Variants in POLD1 observed in about 807,000 individuals in gnomAD.
The protein encoded by POLD1 is DNA polymerase delta 1, catalytic subunit, also known as DNA polymerase delta catalytic subunit.
A neutral mutation model predicts 129.7 loss-of-function variants in POLD1; 79 were observed. The ratio of observed to expected loss-of-function variants is 0.61; its 90% CI spans 0.51 to 0.73. The LOEUF (loss-of-function observed/expected upper bound fraction) is 0.73. Ranked by LOEUF, POLD1 falls within the 30% of genes least tolerant of loss-of-function variation. The pLI is 0.00. For synonymous variants in POLD1, 714 were observed against 683.3 expected, an observed-to-expected ratio of 1.04 and a Z score of -0.70; for missense variants, 1,338 against 1,595.8, an observed-to-expected ratio of 0.84 and a Z score of 2.75.
rs1555789813 is a variant in POLD1 at position 50,401,919 on chromosome 19, C to T, written c.458C>T (p.Pro153Leu). The change falls in exon 4 of 27, where the codon CCC becomes CTC. Residue 153 changes from proline (P) to leucine (L), a missense_variant. Pro to Leu is a moderately conservative substitution (Grantham distance 98, BLOSUM62 -3). This residue lies in a region of POLD1 where 332 missense variants were observed against 315.7 expected (regional missense o/e 1.05). Coordinates refer to ENST00000440232, the MANE Select transcript of POLD1 (RefSeq NM_002691.4). ...GCTCCCTACTTCTACACCCCAGCGC[C>T]CCCTGGTGAGTGGCCCCTACCCAGC... ...GFAPYFYTPAPPGFGPEHMGD... is the reference protein window; with the variant it reads ...GFAPYFYTPALPGFGPEHMGD... 1 of 1,614,074 alleles carries T rather than the reference C, an allele frequency of 6.2e-7. No individual in the cohort carries two copies. The highest frequency in any genetic ancestry group is 8.5e-7 in the Non-Finnish European group (1 of 1,179,976).
chr19:50,395,682 C>T (rs1190570648), intron 1 of POLD1, among the ~76,000 whole-genome samples: 1 of 151,826 alleles, frequency 6.6e-6, no homozygotes, highest in Non-Finnish European at 1.5e-5. Context: ...ATGGATGTTT[C>T]TTATCTCCCT....
intron 1 of POLD1, among the ~76,000 whole-genome samples, chr19:50,390,721 C>T (rs375449762): frequency 2.0e-5 from 3 of 152,200 alleles, no homozygotes; most frequent in East Asian, 1.9e-4. Context: ...GAGGGCCCTG[C>T]GGCCTTCCGC....
At chr19:50,415,666 CGCCCCCACCCCCGCCACCCACCT>C (rs2039255378) in intron 21 of POLD1, 35 bp from the exon 22 acceptor site, 1 of 1,473,314 alleles carries the variant, frequency 6.8e-7, no homozygotes, top group African/African-American at 1.4e-5. Flanking sequence ...CCTACACCCT[CGCCCCCACCCCCGCCACCCACCT>C]GCCCTCACCC....
chr19:50,409,583 C>G lies in POLD1; in HGVS notation c.2071C>G (p.Leu691Val), dbSNP rs2039021984. 6.2e-7 allele frequency: 1 copy of G among 1,613,402 alleles called. No homozygotes were observed. The highest frequency in any genetic ancestry group is 8.5e-7 in the Non-Finnish European group (1 of 1,180,000). The change falls in exon 17 of 27, where the codon CTG becomes GTG. Residue 691 changes from leucine to valine, a missense_variant. Around this residue, in one of 3 missense-constraint regions of POLD1, gnomAD observed 720 missense variants for 1,002.6 expected, o/e 0.72. Coordinates refer to ENST00000440232, the MANE Select transcript of POLD1 (RefSeq NM_002691.4). The surrounding 1 kb of genome is among the most constrained non-coding windows in gnomAD (Gnocchi z 5.8). ...GCGCCAGGTCCTGGATGGACGGCAG[C>G]TGGCGCTGAAGGTGAGCGCCAACTC... ...LRRQVLDGRQ[L>V]ALKVSANSVY... is the part of the protein sequence containing the mutation.
At position 50,406,156 on chromosome 19, in the gene POLD1, C is replaced by G. The variant is rs1479293311; in HGVS notation, c.1243-26C>G. ...TTATGTGACGGGGACCCGCAGCCTG[C>G]TGCACACCCTGCCTCTCCTCCTCAG... On this transcript the variant is annotated intron_variant, in intron 10 of 26. Transcript: ENST00000440232. The surrounding 1 kb of genome is among the most constrained non-coding windows in gnomAD (Gnocchi z 5.5). 1 of 1,605,946 alleles carries G rather than the reference C, an allele frequency of 6.2e-7. No homozygotes were observed.
At position 50,413,889 on chromosome 19, in the gene POLD1, T is replaced by C. The variant is rs758901540; in HGVS notation, c.2388+10T>C. ...GCTGGAGTTTGAGAAGGTGCGTGGC[T>C]GGGTCAGGGGCTCTGCATTTAGGTG... On this transcript the variant is annotated intron_variant, in intron 19 of 26. Transcript: ENST00000440232. 1 of 1,589,350 alleles carries C rather than the reference T, an allele frequency of 6.3e-7. No homozygotes were observed. Among genetic ancestry groups the C allele is most frequent in the Non-Finnish European group, 8.6e-7 (1 of 1,167,170 alleles).
At chr19:50,386,478 A>G (rs1257604072) in intron 1 of POLD1, among the ~76,000 whole-genome samples, 1 of 152,190 alleles carries the variant, frequency 6.6e-6, no homozygotes, top group Non-Finnish European at 1.5e-5. Context: ...GTGCAGAGTG[A>G]TGCTGGAGAC....
intron 20 of POLD1, 144 bp downstream of exon 20, chr19:50,415,134 C>T: frequency 1.3e-6 from 1 of 775,002 alleles, no homozygotes; most frequent in Non-Finnish European, 2.0e-6. Context: ...ATCCCGGGGT[C>T]AGGGCCCCCA....
intron 3 of POLD1, among the ~76,000 whole-genome samples, chr19:50,400,417 C>T (rs1487637449): frequency 2.7e-5 from 4 of 147,550 alleles, no homozygotes; most frequent in African/African-American, 5.0e-5. Context: ...GACAGGGTTT[C>T]GCCATGTTGG....
intron 1 of POLD1, among the ~76,000 whole-genome samples, chr19:50,391,851 T>C (rs1048123774): frequency 6.6e-6 from 1 of 152,126 alleles, no homozygotes; most frequent in Non-Finnish European, 1.5e-5. Context: ...TAGCTGGGAT[T>C]ATAGGCGCCC....
intron 1 of POLD1, among the ~76,000 whole-genome samples, chr19:50,396,281 G>T (rs1407899102): frequency 1.3e-5 from 2 of 151,430 alleles, no homozygotes; most frequent in African/African-American, 4.8e-5. Flanking sequence ...TAAAGATAGG[G>T]TTTCACCATG....
chr19:50,417,397 T>C (rs2039349024), intron 26 of POLD1, 128 bp downstream of exon 26: 5 of 631,050 alleles, frequency 7.9e-6, no homozygotes, highest in South Asian at 7.5e-5. Context: ...CTTCCAGCTG[T>C]GAGCTGTCCT....
In POLD1 at chr19:50,409,113, C is replaced by T. The variant is rs1412895630; in HGVS notation, c.1893-9C>T. 2 of 1,597,422 alleles carry T rather than the reference C, an allele frequency of 1.3e-6. No homozygotes were observed. Among genetic ancestry groups the T allele is most frequent in the Non-Finnish European group, 1.7e-6 (2 of 1,165,066 alleles). On this transcript the variant is annotated splice_polypyrimidine_tract_variant and intron_variant, in intron 15 of 26. Transcript: ENST00000440232. The surrounding 1 kb of genome is among the most constrained non-coding windows in gnomAD (Gnocchi z 5.8). ...TGGCCGGCAGTCACCCCAACATCTT[C>T]CAACCCAGCCTGACTGAGGATCAGT... is the stretch of plus-strand genomic sequence containing the variant.
intron 1 of POLD1, among the ~76,000 whole-genome samples, chr19:50,388,127 A>C (rs1371830926): frequency 3.3e-5 from 5 of 152,224 alleles, no homozygotes; most frequent in African/African-American, 1.2e-4. Flanking sequence ...AGGCAGATCC[A>C]TGGAGACAGA....
intron 2 of POLD1, 34 bp from the exon 3 acceptor site, chr19:50,399,337 C>G: frequency 6.6e-7 from 1 of 1,515,434 alleles, no homozygotes; most frequent in Non-Finnish European, 9.2e-7. Context: ...GACCATGACT[C>G]CATGTACTCC....
chr19:50,400,467 G>A (rs1157003359), intron 3 of POLD1, among the ~76,000 whole-genome samples: 2 of 144,892 alleles, frequency 1.4e-5, no homozygotes, highest in African/African-American at 5.1e-5. Context: ...GTGATCTGCC[G>A]ACCTTGGCCT....
chr19:50,385,755 C>T (rs1309859368), intron 1 of POLD1, among the ~76,000 whole-genome samples: 5 of 152,118 alleles, frequency 3.3e-5, no homozygotes, highest in Admixed American at 2.0e-4. Flanking sequence ...TCTCGAACTC[C>T]TGACCTCAGG....
At position 50,409,961 on chromosome 19, in the gene POLD1, G is replaced by A. The variant is rs2039034615; in HGVS notation, c.2154+295G>A. Among the ~76,000 whole-genome samples, 1 of 152,236 alleles carries A rather than the reference G, an allele frequency of 6.6e-6. No individual in the cohort carries two copies. On this transcript the variant is annotated intron_variant, in intron 17 of 26. Coordinates refer to ENST00000440232, the MANE Select transcript of POLD1 (RefSeq NM_002691.4). The surrounding 1 kb of genome is among the most constrained non-coding windows in gnomAD (Gnocchi z 5.8). ...TGCAGCCCAGTGGGGACACTGACAGGTCTGTGTAAACGTGTTTAGGACACA... is the reference window on the plus strand; with the variant it reads ...TGCAGCCCAGTGGGGACACTGACAGATCTGTGTAAACGTGTTTAGGACACA...
intron 1 of POLD1, among the ~76,000 whole-genome samples, chr19:50,398,473 G>T (rs918780666): frequency 2.0e-5 from 3 of 150,150 alleles, no homozygotes; most frequent in African/African-American, 7.3e-5. Context: ...TCGGGAGGCT[G>T]AGGGGAGAAT....
Sources: allele counts gnomAD v4.1 joint callset (sites outside exome capture counted in the v4.1 genomes callset), GRCh38; gene constraint gnomAD v4.1.1; regional missense constraint gnomAD v4.1.1; non-coding constraint Gnocchi (gnomAD v3.1); transcripts MANE v1.5; gene names NCBI Gene and HGNC (gene_info 2026-07-23, HGNC 2026-07-21).